Variants in ARAP3 observed in about 807,000 individuals in gnomAD.
ARAP3 encodes the protein arf-GAP with Rho-GAP domain, ANK repeat and PH domain-containing protein 3.
A neutral mutation model predicts 169.2 loss-of-function variants in ARAP3; 82 were observed. The ratio of observed to expected loss-of-function variants is 0.48; its 90% CI spans 0.41 to 0.58. The LOEUF (loss-of-function observed/expected upper bound fraction) is 0.58, where lower values mean the gene tolerates loss of function less well. Among genes scored for constraint, ARAP3 ranks in the 20% least tolerant of loss-of-function variants. ARAP3 has a pLI of 0.00. For missense variants in ARAP3, 1,764 were observed against 2,018.0 expected (o/e 0.87, Z 2.41); for synonymous variants, 791 against 800.3 (o/e 0.99, Z 0.20).
At position 141,671,838 on chromosome 5, in the gene ARAP3, C is replaced by T. The variant is rs924495911; in HGVS notation, c.1671+57G>A. 2.5e-6 allele frequency: 4 copies of T among 1,612,958 alleles called. No individual in the cohort carries two copies. The South Asian group carries it at 3.3e-5, about 13-fold the overall frequency. ...TTCCTGTCCCCAGGCTGGCCCAAGG[C>T]CTGCTTCTGGACGCTCCCTTCTACG... On this transcript the variant is annotated intron_variant, in intron 11 of 32. Coordinates refer to ENST00000239440, the MANE Select transcript of ARAP3 (RefSeq NM_022481.6). The surrounding 1 kb of genome is among the most constrained non-coding windows in gnomAD (Gnocchi z 4.9).
In ARAP3 at chr5:141,662,153, G is replaced by A. The variant is rs773702697; in HGVS notation, c.2903C>T (p.Pro968Leu). 6.2e-7 allele frequency: 1 copy of A among 1,614,178 alleles called. No homozygotes were observed. Among genetic ancestry groups the A allele is most frequent in the Admixed American group, 1.7e-5 (1 of 60,030 alleles). ...RRDARSVKLR[P>L]GEHFVEDVTD... The stretch of plus-strand genomic sequence containing the variant: ...GACATCCTCCACAAAGTGCTCCCCT[G>A]GTCGGAGCTTCACCGACCGGGCATC... Residue 968 changes from proline to leucine, a missense_variant, in exon 20 of 33, where the codon CCA (proline) becomes CTA (leucine). Pro to Leu is a moderately conservative substitution (Grantham distance 98). Coordinates refer to ENST00000239440, the MANE Select transcript of ARAP3 (RefSeq NM_022481.6).
At chr5:141,661,906 A>C (rs1596479705) in intron 20 of ARAP3, 117 bp from the exon 21 acceptor site, 1 of 1,485,648 alleles carries the variant, frequency 6.7e-7, no homozygotes, top group South Asian at 1.2e-5. Flanking sequence ...CCCCCTTCCC[A>C]CCTCCCCCTG....
At chr5:141,673,959 CTTTTTTTTT>C in intron 4 of ARAP3, 151 bp from the exon 5 acceptor site, 2 of 363,546 alleles carry the variant, frequency 5.5e-6, no homozygotes, top group South Asian at 6.4e-5. Flanking sequence ...TTCTTTTCTT[CTTTTTTTTT>C]TTTTTTTTTT....
chr5:141,656,456 C>A, intron 27 of ARAP3, 48 bp downstream of exon 27: 1 of 1,595,790 alleles, frequency 6.3e-7, no homozygotes, highest in South Asian at 1.1e-5. Context: ...GTCATGGCTC[C>A]TCTCCATGGC....
At chr5:141,681,756 C>G (rs1264744764) in intron 1 of ARAP3, among the ~76,000 whole-genome samples, 1 of 152,230 alleles carries the variant, frequency 6.6e-6, no homozygotes, top group African/African-American at 2.4e-5. Flanking sequence ...CTCTTGTGCT[C>G]TGTCGGTGAC....
chr5:141,680,290 G>A lies in ARAP3; in HGVS notation c.197C>T (p.Thr66Ile). The change falls in exon 2 of 33, where the codon ACC becomes ATC. Residue 66 changes from threonine (T) to isoleucine (I), a missense_variant. Around this residue, in one of 3 missense-constraint regions of ARAP3, gnomAD observed 630 missense variants for 678.7 expected, o/e 0.93. Transcript: ENST00000239440. ...KRILRLLQTG[T>I]EEGSLDPKSD... Reference sequence around the variant, plus strand: ...TTTGGGATCCAGGGAGCCCTCTTCGGTGCCTGTCTGTAGCAGGCGTAGAAT... The same window carrying A: ...TTTGGGATCCAGGGAGCCCTCTTCGATGCCTGTCTGTAGCAGGCGTAGAAT... 1 of 1,614,206 alleles carries A rather than the reference G, an allele frequency of 6.2e-7. No individual in the cohort carries two copies. Among genetic ancestry groups the A allele is most frequent in the South Asian group, 1.1e-5 (1 of 91,086 alleles).
At chr5:141,669,586 A>T in intron 16 of ARAP3, 123 bp downstream of exon 16, 1 of 889,618 alleles carries the variant, frequency 1.1e-6, no homozygotes, top group Non-Finnish European at 1.8e-6. Flanking sequence ...GGCACAGAAT[A>T]TGTGCTCAGT....
chr5:141,668,863 G>A (rs1481417362), intron 16 of ARAP3, among the ~76,000 whole-genome samples: 2 of 152,188 alleles, frequency 1.3e-5, no homozygotes, highest in East Asian at 3.9e-4. Context: ...ATGGGCAGAG[G>A]AGGGTAGCTG....
At chr5:141,660,518 T>C (rs1354537107) in intron 21 of ARAP3, among the ~76,000 whole-genome samples, 1 of 151,480 alleles carries the variant, frequency 6.6e-6, no homozygotes, top group Non-Finnish European at 1.5e-5. Context: ...AGAAAATATA[T>C]ACATGAATGG....
At position 141,653,707 on chromosome 5, in the gene ARAP3, T is replaced by G; in HGVS notation, c.*243A>C. The G allele has an allele frequency of 4.9e-6, 2 of 405,328 alleles. No individual in the cohort carries two copies. The highest frequency in any genetic ancestry group is 1.0e-4 in the South Asian group (1 of 10,004). 25.1% of individuals were successfully genotyped at this position (405,328 alleles called of 1,614,324 possible). On this transcript the variant is annotated 3_prime_UTR_variant, in exon 33 of 33. Coordinates refer to ENST00000239440, the MANE Select transcript of ARAP3 (RefSeq NM_022481.6). Reference sequence around the variant, plus strand: ...GCTTATGGCTCTAAGAAACACAGTTTGACATTCACTGCTCTCCTTACTTCA... The same window carrying G: ...GCTTATGGCTCTAAGAAACACAGTTGGACATTCACTGCTCTCCTTACTTCA...
intron 1 of ARAP3, among the ~76,000 whole-genome samples, chr5:141,681,160 A>G (rs1489687310): frequency 6.6e-6 from 1 of 151,988 alleles, no homozygotes; most frequent in African/African-American, 2.4e-5. Context: ...GAGAGCCCTA[A>G]CCAGTCCTAA....
chr5:141,653,927 C>T lies in ARAP3; in HGVS notation c.*23G>A. The T allele has an allele frequency of 6.6e-7, 1 of 1,512,820 alleles. No individual in the cohort carries two copies. Among genetic ancestry groups the T allele is most frequent in the East Asian group, 2.3e-5 (1 of 43,892 alleles). 93.7% of individuals were successfully genotyped at this position (1,512,820 alleles called of 1,614,324 possible). Reference sequence around the variant, plus strand: ...GTTTCTGGGTCTTCTGGTACCTACCCTCTCAGACTGCTGGTCCTAGGGTCA... The same window carrying T: ...GTTTCTGGGTCTTCTGGTACCTACCTTCTCAGACTGCTGGTCCTAGGGTCA... On this transcript the variant is annotated 3_prime_UTR_variant, in exon 33 of 33. Coordinates refer to ENST00000239440, the MANE Select transcript of ARAP3 (RefSeq NM_022481.6).
intron 16 of ARAP3, 25 bp downstream of exon 16, chr5:141,669,684 T>C (rs745971933): frequency 1.2e-6 from 2 of 1,607,048 alleles, no homozygotes; most frequent in South Asian, 1.1e-5. Context: ...CATGAGATGC[T>C]GCAGAGGGCG....
intron 19 of ARAP3, among the ~76,000 whole-genome samples, chr5:141,663,515 C>T (rs1344354013): frequency 6.6e-6 from 1 of 152,220 alleles, no homozygotes; most frequent in African/African-American, 2.4e-5. Flanking sequence ...TCTTGAACTC[C>T]TGACCTCAGG....
chr5:141,680,444 T>A lies in ARAP3; in HGVS notation c.43A>T (p.Thr15Ser). 6.2e-7 allele frequency: 1 copy of A among 1,609,308 alleles called. No homozygotes were observed. The highest frequency in any genetic ancestry group is 8.5e-7 in the Non-Finnish European group (1 of 1,179,106). ...QDLDIAVWLA[T>S]VHLEQYADTF... ...TCTGCATACTGCTCCAGGTGCACCGTGGCCAGCCACACAGCGATGTCCAGG... is the reference window on the plus strand; with the variant it reads ...TCTGCATACTGCTCCAGGTGCACCGAGGCCAGCCACACAGCGATGTCCAGG... The change falls in exon 2 of 33, where the codon ACG (threonine) becomes TCG (serine). Residue 15 changes from threonine (T) to serine (S), a missense_variant. Thr to Ser is a moderately conservative substitution (Grantham distance 58, BLOSUM62 1). Coordinates refer to ENST00000239440, the MANE Select transcript of ARAP3 (RefSeq NM_022481.6).
chr5:141,655,256 A>ACC, intron 32 of ARAP3, 106 bp downstream of exon 32: 1 of 1,149,070 alleles, frequency 8.7e-7, no homozygotes, highest in Non-Finnish European at 1.2e-6. Context: ...ACACACACAC[A>ACC]CACCCCCTGA....
At chr5:141,666,691 C>G (rs1562413671) in intron 16 of ARAP3, 48 bp from the exon 17 acceptor site, 3 of 1,021,040 alleles carry the variant, frequency 2.9e-6, no homozygotes, top group Non-Finnish European at 4.0e-6. Context: ...GGGGAAGAGA[C>G]AAGGAATAGG....
In ARAP3 at chr5:141,664,905, A is replaced by G. The variant is rs2306337; in HGVS notation, c.2800+17T>C. 0.2 allele frequency: 234,071 copies of G among 1,176,448 alleles called. 18,096 individuals are homozygous for G. The highest frequency in any genetic ancestry group is 0.36 in the East Asian group (9,876 of 27,440). The allele number at this position is 1,176,448 out of a possible 1,614,324, so 72.9% of individuals were successfully genotyped here. On this transcript the variant is annotated intron_variant, in intron 19 of 32. Coordinates refer to ENST00000239440, the MANE Select transcript of ARAP3 (RefSeq NM_022481.6). ...CCCCCACCCCCATTGGCTCAGTACC[A>G]GCCAGTGCCTACTCACCATGCTGGG...
In ARAP3 at chr5:141,665,027, C is replaced by G. The variant is rs1047778908; in HGVS notation, c.2695G>C (p.Gly899Arg). ...LDFTAWNAAI[G>R]GAAGGGGTGL... is the part of the protein sequence containing the mutation. The stretch of plus-strand genomic sequence containing the variant: ...GTGCCGCCCCCACCAGCCGCGCCCC[C>G]AATGGCTGCGTTCCATGCCGTGAAG... Residue 899 changes from glycine (G) to arginine (R), a missense_variant, in exon 19 of 33, where the codon GGG (glycine) becomes CGG (arginine). This residue lies in a region of ARAP3 where 1,112 missense variants were observed against 1,285.7 expected (regional missense o/e 0.86). Transcript: ENST00000239440. The G allele has an allele frequency of 6.2e-7, 1 of 1,613,952 alleles. No individual in the cohort carries two copies. The highest frequency in any genetic ancestry group is 1.3e-5 in the African/African-American group (1 of 74,954).
Sources: allele counts gnomAD v4.1 joint callset (sites outside exome capture counted in the v4.1 genomes callset), GRCh38; gene constraint gnomAD v4.1.1; regional missense constraint gnomAD v4.1.1; non-coding constraint Gnocchi (gnomAD v3.1); transcripts MANE v1.5; gene names NCBI Gene and HGNC (gene_info 2026-07-23, HGNC 2026-07-21).